Variants in GALNTL6 observed in about 807,000 individuals in gnomAD.
GALNTL6 encodes the protein polypeptide N-acetylgalactosaminyltransferase like 6, also known as polypeptide N-acetylgalactosaminyltransferase-like 6.
A neutral mutation model predicts 73.7 loss-of-function variants in GALNTL6; 46 were observed. The observed-to-expected ratio is 0.62, with a 90% CI of 0.49 to 0.80. The LOEUF (loss-of-function observed/expected upper bound fraction) is 0.80, where lower values mean the gene tolerates loss of function less well. Ranked by LOEUF, GALNTL6 falls within the 30% of genes least tolerant of loss-of-function variation. GALNTL6 has a pLI of 0.00. For missense variants in GALNTL6, 604 were observed against 755.0 expected (o/e 0.80, Z 2.34); for synonymous variants, 259 against 263.7 (o/e 0.98, Z 0.17).
At chr4:172,764,629 C>T (rs1471117725) in intron 5 of GALNTL6, among the ~76,000 whole-genome samples, 1 of 152,000 alleles carries the variant, frequency 6.6e-6, no homozygotes, top group African/African-American at 2.4e-5. Flanking sequence ...AATAAATGCT[C>T]AATTGTTGAG....
At chr4:172,789,615 C>T (rs573599669) in intron 5 of GALNTL6, among the ~76,000 whole-genome samples, 255 of 152,038 alleles carry the variant, frequency 1.7e-3, no homozygotes, top group African/African-American at 6.1e-3. Context: ...TGTGCCCTCC[C>T]GGGGTGTGTC....
chr4:172,365,442 A>G (rs886281165), intron 5 of GALNTL6, among the ~76,000 whole-genome samples: 3 of 152,262 alleles, frequency 2.0e-5, no homozygotes, highest in African/African-American at 7.2e-5. Flanking sequence ...TTTTTTGATC[A>G]AGGGGAACTT....
At chr4:172,444,945 G>C (rs1340627913) in intron 5 of GALNTL6, among the ~76,000 whole-genome samples, 1 of 152,118 alleles carries the variant, frequency 6.6e-6, no homozygotes, top group Non-Finnish European at 1.5e-5. Flanking sequence ...CCTAGAGTCT[G>C]AACTCAAGGT....
At chr4:172,865,981 A>G (rs1744643361) in intron 7 of GALNTL6, among the ~76,000 whole-genome samples, 1 of 152,194 alleles carries the variant, frequency 6.6e-6, no homozygotes, top group Admixed American at 6.5e-5. Flanking sequence ...AAGTGAAACC[A>G]CATTTTCAAT....
At chr4:172,877,254 G>A (rs1037051566) in intron 7 of GALNTL6, among the ~76,000 whole-genome samples, 4 of 152,160 alleles carry the variant, frequency 2.6e-5, no homozygotes, top group Non-Finnish European at 4.4e-5. Context: ...TTGAAATAAT[G>A]TCTGAAAATG....
At chr4:171,884,206 C>A (rs1253907085) in intron 2 of GALNTL6, among the ~76,000 whole-genome samples, 1 of 152,020 alleles carries the variant, frequency 6.6e-6, no homozygotes, top group Non-Finnish European at 1.5e-5. Flanking sequence ...TGCCTTTTTT[C>A]TTTCATGTCA....
chr4:172,583,373 G>T (rs967166083), intron 5 of GALNTL6, among the ~76,000 whole-genome samples: 2 of 152,034 alleles, frequency 1.3e-5, no homozygotes, highest in Non-Finnish European at 2.9e-5. Flanking sequence ...AATAAACATT[G>T]AGCAGTTTTT....
chr4:171,960,693 A>G (rs948412839), intron 2 of GALNTL6, among the ~76,000 whole-genome samples: 2 of 52,396 alleles, frequency 3.8e-5, no homozygotes, highest in African/African-American at 1.2e-4. Context: ...TTATTTAAAA[A>G]AAAAAAAAAA....
chr4:172,619,203 A>T (rs1738859205), intron 5 of GALNTL6, among the ~76,000 whole-genome samples: 1 of 152,062 alleles, frequency 6.6e-6, no homozygotes, highest in Admixed American at 6.6e-5. Context: ...TTCCTTCAAT[A>T]ATCTGGTGGG....
At chr4:172,356,141 G>C (rs1448746591) in intron 5 of GALNTL6, among the ~76,000 whole-genome samples, 1 of 152,048 alleles carries the variant, frequency 6.6e-6, no homozygotes, top group Non-Finnish European at 1.5e-5. Flanking sequence ...ACGTCACAAA[G>C]GCATGACTTC....
At chr4:172,179,898 A>G (rs1002200124) in intron 2 of GALNTL6, among the ~76,000 whole-genome samples, 13 of 152,210 alleles carry the variant, frequency 8.5e-5, no homozygotes, top group African/African-American at 1.7e-4. Context: ...CAGTGCTGCA[A>G]TAAACATACA....
At chr4:172,625,768 T>G (rs1023988860) in intron 5 of GALNTL6, among the ~76,000 whole-genome samples, 2 of 152,130 alleles carry the variant, frequency 1.3e-5, no homozygotes, top group African/African-American at 4.8e-5. Context: ...AATTATCTTA[T>G]GATTAGTGAT....
At chr4:172,102,841 A>G (rs926492249) in intron 2 of GALNTL6, among the ~76,000 whole-genome samples, 3 of 152,128 alleles carry the variant, frequency 2.0e-5, no homozygotes, top group African/African-American at 7.2e-5. Context: ...CTGTCATGGG[A>G]ACTTGGAACA....
In GALNTL6 at chr4:172,875,134, A is replaced by G. The variant is rs573600964; in HGVS notation, c.924-7656A>G. On this transcript the variant is annotated intron_variant, in intron 7 of 12. Coordinates refer to ENST00000506823, the MANE Select transcript of GALNTL6 (RefSeq NM_001034845.3). ...ACCAGGAAAATCCAATGGGCAAAACACTGAAGCGCTGCTATCACACAGATG... is the reference window on the plus strand; with the variant it reads ...ACCAGGAAAATCCAATGGGCAAAACGCTGAAGCGCTGCTATCACACAGATG... 2.0e-5 allele frequency among the ~76,000 whole-genome samples: 3 copies of G among 152,306 alleles called. No homozygotes were observed. The East Asian group carries it at 5.8e-4, about 29-fold the overall frequency.
intron 12 of GALNTL6, among the ~76,000 whole-genome samples, chr4:173,026,043 A>G (rs1753216528): frequency 6.6e-6 from 1 of 152,198 alleles, no homozygotes; most frequent in South Asian, 2.1e-4. Context: ...TTATCCCTCC[A>G]AAATTGAGCG....
intron 11 of GALNTL6, among the ~76,000 whole-genome samples, chr4:173,016,251 G>A (rs982803358): frequency 5.9e-5 from 9 of 152,232 alleles, no homozygotes; most frequent in African/African-American, 2.2e-4. Flanking sequence ...CCCCTACACA[G>A]AGTCCCCACT....
intron 2 of GALNTL6, among the ~76,000 whole-genome samples, chr4:172,117,898 G>GATTAATTTTA (rs1733030061): frequency 6.6e-6 from 1 of 152,128 alleles, no homozygotes; most frequent in Admixed American, 6.5e-5. Context: ...GCCAATTCTG[G>GATTAATTTTA]AGATTTAAGG....
intron 5 of GALNTL6, among the ~76,000 whole-genome samples, chr4:172,647,320 C>T (rs192800064): frequency 6.6e-6 from 1 of 152,182 alleles, no homozygotes; most frequent in African/African-American, 2.4e-5. Context: ...ATGGAGGACA[C>T]AGCTCAGGCC....
At position 172,809,553 on chromosome 4, in the gene GALNTL6, A is replaced by G. The variant is rs748054362; in HGVS notation, c.739+7A>G. 1.2e-6 allele frequency: 2 copies of G among 1,603,852 alleles called. No homozygotes were observed. The highest frequency in any genetic ancestry group is 3.4e-5 in the Admixed American group (2 of 58,650). The stretch of plus-strand genomic sequence containing the variant: ...TGGCTGCCCCCACTCCTCAGTGAGT[A>G]CAGGTTGCTAAGCACCATCCTGGGA... On this transcript the variant is annotated splice_region_variant and intron_variant, in intron 6 of 12. Coordinates refer to ENST00000506823, the MANE Select transcript of GALNTL6 (RefSeq NM_001034845.3). This position sits in a 1 kb window ranked among gnomAD's most constrained non-coding sequence, Gnocchi z 4.4.
Sources: allele counts gnomAD v4.1 joint callset (sites outside exome capture counted in the v4.1 genomes callset), GRCh38; gene constraint gnomAD v4.1.1; non-coding constraint Gnocchi (gnomAD v3.1); transcripts MANE v1.5; gene names NCBI Gene and HGNC (gene_info 2026-07-23, HGNC 2026-07-21).